The following MRTFA variants were observed in gnomAD, a reference collection of about 807,000 sequenced individuals.
MRTFA encodes the protein myocardin-related transcription factor A.
A neutral mutation model predicts 83.5 loss-of-function variants in MRTFA; 20 were observed. The observed-to-expected ratio is 0.24, with a 90% CI of 0.17 to 0.35. MRTFA has a LOEUF of 0.35. MRTFA is among the 10% of genes least tolerant of loss of function. The pLI, the probability that MRTFA is intolerant of heterozygous loss-of-function variation, is 1.00. For synonymous variants in MRTFA, 659 were observed against 541.2 expected (o/e 1.22, Z -3.02); for missense variants, 1,200 against 1,224.7 (o/e 0.98, Z 0.30).
At chr22:40,508,194 T>C (rs904522802) in intron 3 of MRTFA, among the ~76,000 whole-genome samples, 2 of 151,504 alleles carry the variant, frequency 1.3e-5, no homozygotes, top group Non-Finnish European at 2.9e-5. Context: ...TGTGAAAAAA[T>C]GTGTTTGTCT....
Position 40,418,851 on chromosome 22 carries a change from C to T in MRTFA, c.1887G>A (p.Glu629=), listed in dbSNP as rs1217428391. 1.9e-6 allele frequency: 3 copies of T among 1,612,250 alleles called. No individual in the cohort carries two copies. The highest frequency in any genetic ancestry group is 2.5e-6 in the Non-Finnish European group (3 of 1,179,842). ...TCAGCGCCTCGATCTGCTTGTCTTTCTCCTGCAGCATCTGGTCCTTGTCGC... is the reference window on the plus strand; with the variant it reads ...TCAGCGCCTCGATCTGCTTGTCTTTTTCCTGCAGCATCTGGTCCTTGTCGC... Residue 629 remains glutamate (E), a synonymous_variant, in exon 12 of 15, where the codon GAG becomes GAA. Transcript: ENST00000355630.
At chr22:40,577,508 A>G (rs566673609) in intron 2 of MRTFA, among the ~76,000 whole-genome samples, 1 of 152,248 alleles carries the variant, frequency 6.6e-6, no homozygotes, top group East Asian at 1.9e-4. Flanking sequence ...GACCACTTCT[A>G]AACGTCTCTG....
chr22:40,598,261 T>C (rs2056216315), intron 1 of MRTFA, among the ~76,000 whole-genome samples: 1 of 152,020 alleles, frequency 6.6e-6, no homozygotes, highest in South Asian at 2.1e-4. Context: ...GAGACCATCT[T>C]ATATAAAGGT....
intron 3 of MRTFA, among the ~76,000 whole-genome samples, chr22:40,471,775 G>C (rs910200178): frequency 6.6e-6 from 1 of 152,110 alleles, no homozygotes; most frequent in Admixed American, 6.5e-5. Context: ...GGGAGGCTGA[G>C]GCAGGAAAAT....
At chr22:40,613,829 G>T (rs981441897) in intron 1 of MRTFA, among the ~76,000 whole-genome samples, 1 of 152,158 alleles carries the variant, frequency 6.6e-6, no homozygotes, top group Non-Finnish European at 1.5e-5. Flanking sequence ...AGAACTGCTT[G>T]AACACACGAG....
chr22:40,604,255 T>C (rs1051404666), intron 1 of MRTFA, among the ~76,000 whole-genome samples: 21 of 151,230 alleles, frequency 1.4e-4, no homozygotes, highest in African/African-American at 4.1e-4. Context: ...CTCAGCCTCC[T>C]GAGTAGCTGG....
chr22:40,504,814 G>T (rs17001994), intron 3 of MRTFA, among the ~76,000 whole-genome samples: 12,487 of 152,186 alleles, frequency 0.082, 789 homozygotes, highest in East Asian at 0.24. Flanking sequence ...TCTGGATATA[G>T]TATCTTTGAG....
At chr22:40,433,901 C>T (rs1335933949) in intron 5 of MRTFA, among the ~76,000 whole-genome samples, 1 of 152,076 alleles carries the variant, frequency 6.6e-6, no homozygotes, top group Non-Finnish European at 1.5e-5. Context: ...GCAAATTGAA[C>T]GTTATGGTTA....
At chr22:40,491,944 G>A (rs1026192118) in intron 3 of MRTFA, among the ~76,000 whole-genome samples, 6 of 152,214 alleles carry the variant, frequency 3.9e-5, no homozygotes, top group African/African-American at 1.4e-4. Context: ...AAGTTTGAAA[G>A]GAAACAAAAG....
chr22:40,417,391 T>C lies in MRTFA; in HGVS notation c.2467A>G (p.Lys823Glu). ...GCTTCCTCATAGCCAGGTGGTTCCT[T>C]CTTCAGCAGAGAAGTGGGGGTCCCA... Residue 823 changes from lysine to glutamate, a missense_variant, in exon 13 of 15, where the codon AAG (lysine) becomes GAG (glutamate). Lys to Glu is a moderately conservative substitution (Grantham distance 56). This residue lies in a region of MRTFA where 1,107 missense variants were observed against 1,041.8 expected (regional missense o/e 1.06). Transcript: ENST00000355630. 6.2e-7 allele frequency: 1 copy of C among 1,611,644 alleles called. No homozygotes were observed. The highest frequency in any genetic ancestry group is 8.5e-7 in the Non-Finnish European group (1 of 1,179,824).
At chr22:40,518,603 C>T (rs1004614711) in intron 3 of MRTFA, among the ~76,000 whole-genome samples, 1 of 151,758 alleles carries the variant, frequency 6.6e-6, no homozygotes. Context: ...ATCATCCTGG[C>T]TAACAAGGTG....
intron 2 of MRTFA, among the ~76,000 whole-genome samples, chr22:40,573,108 G>C (rs1569334999): frequency 6.6e-6 from 1 of 152,174 alleles, no homozygotes; most frequent in East Asian, 1.9e-4. Context: ...GTTACCTGGT[G>C]TTAGGGAGAG....
chr22:40,590,729 C>A (rs1326453309), intron 2 of MRTFA, among the ~76,000 whole-genome samples: 1 of 150,890 alleles, frequency 6.6e-6, no homozygotes, highest in Non-Finnish European at 1.5e-5. Flanking sequence ...ATATTCACAT[C>A]TTTTACTGAG....
At chr22:40,553,465 G>A (rs1220123276) in intron 2 of MRTFA, among the ~76,000 whole-genome samples, 3 of 152,196 alleles carry the variant, frequency 2.0e-5, no homozygotes, top group African/African-American at 7.2e-5. Context: ...CTCCAGTCAT[G>A]AATAAAAGGA....
At chr22:40,459,822 CATATATACATATATATATATATATATAT>C (rs2053671584) in intron 4 of MRTFA, among the ~76,000 whole-genome samples, 5 of 68,266 alleles carry the variant, frequency 7.3e-5, no homozygotes, top group Admixed American at 1.5e-4. Flanking sequence ...CACACACACA[CATATATACATATATATATATATATATAT>C]ATATATATAT....
At chr22:40,535,599 TG>T (rs2055158081) in intron 3 of MRTFA, among the ~76,000 whole-genome samples, 1 of 152,142 alleles carries the variant, frequency 6.6e-6, no homozygotes, top group Non-Finnish European at 1.5e-5. Context: ...GTGATCCCCC[TG>T]CCTCAGCTAC....
intron 2 of MRTFA, among the ~76,000 whole-genome samples, chr22:40,584,495 G>A (rs1366793728): frequency 6.6e-6 from 1 of 152,200 alleles, no homozygotes; most frequent in Non-Finnish European, 1.5e-5. Context: ...CCAGCACTTT[G>A]GGAGGCTGAG....
At chr22:40,544,402 T>A (rs2055333073) in intron 3 of MRTFA, among the ~76,000 whole-genome samples, 1 of 152,022 alleles carries the variant, frequency 6.6e-6, no homozygotes, top group Non-Finnish European at 1.5e-5. Context: ...GCCCAGCTCA[T>A]TTTTTTGAGA....
In MRTFA at chr22:40,411,560, T is replaced by A; in HGVS notation, c.2926A>T (p.Met976Leu). 1 of 1,613,776 alleles carries A rather than the reference T, an allele frequency of 6.2e-7. No individual in the cohort carries two copies. The highest frequency in any genetic ancestry group is 2.2e-5 in the East Asian group (1 of 44,886). The change falls in exon 15 of 15, where the codon ATG (methionine) becomes TTG (leucine). Residue 976 changes from methionine to leucine, a missense_variant. Coordinates refer to ENST00000355630, the MANE Select transcript of MRTFA (RefSeq NM_020831.6). ...TGGCCATCAGCCAGGTCCAGGCCCATGGTGCTGCTGGGCTCAGGAACAAAG... is the reference window on the plus strand; with the variant it reads ...TGGCCATCAGCCAGGTCCAGGCCCAAGGTGCTGCTGGGCTCAGGAACAAAG...
Sources: allele counts gnomAD v4.1 joint callset (sites outside exome capture counted in the v4.1 genomes callset), GRCh38; gene constraint gnomAD v4.1.1; regional missense constraint gnomAD v4.1.1; transcripts MANE v1.5; gene names NCBI Gene and HGNC (gene_info 2026-07-23, HGNC 2026-07-21).